NETO1: variants seen among roughly 807,000 people sequenced by gnomAD.
The protein encoded by NETO1 is neuropilin and tolloid-like protein 1.
In NETO1, 26 loss-of-function variants were observed where a neutral mutation model predicts 61.3. The observed-to-expected ratio is 0.42, with a 90% CI of 0.31 to 0.59. NETO1 has a LOEUF of 0.59. Ranked by LOEUF, NETO1 falls within the 20% of genes least tolerant of loss-of-function variation. NETO1 has a pLI of 0.12. For synonymous variants in NETO1, 225 were observed against 225.8 expected (o/e 1.00, Z 0.03); for missense variants, 531 against 662.8 (o/e 0.80, Z 2.18).
chr18:72,743,312 T>G (rs2145050434), downstream of NETO1, among the ~76,000 whole-genome samples: 1 of 152,298 alleles, frequency 6.6e-6, no homozygotes, highest in Admixed American at 6.5e-5. Flanking sequence ...TGCACTACTA[T>G]TTGACCATTG....
chr18:72,795,848 T>C (rs1599016025), intron 4 of NETO1, among the ~76,000 whole-genome samples: 1 of 152,220 alleles, frequency 6.6e-6, no homozygotes, highest in East Asian at 1.9e-4. Context: ...CTTGAACTTA[T>C]TATTCTTCCT....
At chr18:72,861,179 C>T (rs1295859965) in intron 3 of NETO1, among the ~76,000 whole-genome samples, 3 of 152,192 alleles carry the variant, frequency 2.0e-5, no homozygotes, top group African/African-American at 4.8e-5. Context: ...GTCAACCTCT[C>T]GATGTTCCCC....
At chr18:72,807,491 G>A (rs949944379) in intron 4 of NETO1, among the ~76,000 whole-genome samples, 10 of 152,172 alleles carry the variant, frequency 6.6e-5, no homozygotes, top group East Asian at 1.9e-4. Context: ...TTGAGAAAAC[G>A]TAACTCTTAT....
At chr18:72,796,180 T>C (rs2145291747) in intron 4 of NETO1, among the ~76,000 whole-genome samples, 1 of 152,330 alleles carries the variant, frequency 6.6e-6, no homozygotes, top group Admixed American at 6.5e-5. Flanking sequence ...TGTGCTAATA[T>C]GTATGTGGGT....
intron 4 of NETO1, among the ~76,000 whole-genome samples, chr18:72,858,586 G>T (rs1191767329): frequency 2.6e-5 from 4 of 152,082 alleles, no homozygotes; most frequent in African/African-American, 4.8e-5. Context: ...TGATGATGTG[G>T]CTGATGCCCA....
At chr18:72,820,572 G>A (rs2073160586) in intron 4 of NETO1, among the ~76,000 whole-genome samples, 1 of 152,204 alleles carries the variant, frequency 6.6e-6, no homozygotes, top group Non-Finnish European at 1.5e-5. Context: ...CCTTGACTGG[G>A]CCACTTGGCC....
Position 72,833,994 on chromosome 18 carries a change from T to C in NETO1, c.469+24832A>G, listed in dbSNP as rs79448185. ...GATAAATTAGCAAGTCCAAAGTGAATACAACATTTTAACACCCAACCTACA... is the reference window on the plus strand; with the variant it reads ...GATAAATTAGCAAGTCCAAAGTGAACACAACATTTTAACACCCAACCTACA... On this transcript the variant is annotated intron_variant, in intron 4 of 10. Transcript: ENST00000327305. 144 of 450,314 alleles carry C rather than the reference T, an allele frequency of 3.2e-4. No homozygotes were observed. The East Asian group carries it at 0.017, about 54-fold the overall frequency. The allele number at this position is 450,314 out of a possible 1,614,324, so 27.9% of individuals were successfully genotyped here. A position where few individuals can be genotyped will look rare whatever the true frequency, so the allele number is the denominator to read the frequency against.
intron 6 of NETO1, among the ~76,000 whole-genome samples, chr18:72,788,019 C>A (rs1448575319): frequency 6.6e-6 from 1 of 152,006 alleles, no homozygotes; most frequent in Admixed American, 6.6e-5. Flanking sequence ...GTTTTAAATT[C>A]TTTAAAAATA....
At chr18:72,785,821 GA>G (rs1459127857) in intron 6 of NETO1, among the ~76,000 whole-genome samples, 3 of 152,028 alleles carry the variant, frequency 2.0e-5, no homozygotes, top group Non-Finnish European at 4.4e-5. Flanking sequence ...TTCTGTCTAG[GA>G]ACCTCTTCCT....
At chr18:72,820,567 A>C (rs2073160421) in intron 4 of NETO1, among the ~76,000 whole-genome samples, 1 of 152,248 alleles carries the variant, frequency 6.6e-6, no homozygotes, top group African/African-American at 2.4e-5. Context: ...TATCACCTTG[A>C]CTGGGCCACT....
chr18:72,844,016 A>G (rs2074011735), intron 4 of NETO1, among the ~76,000 whole-genome samples: 1 of 152,206 alleles, frequency 6.6e-6, no homozygotes, highest in Admixed American at 6.5e-5. Context: ...TTTTCTGGTC[A>G]CTATTCTCTG....
intron 4 of NETO1, among the ~76,000 whole-genome samples, chr18:72,821,551 G>T (rs1203926591): frequency 1.6e-5 from 2 of 123,462 alleles, no homozygotes; most frequent in African/African-American, 3.6e-5. Context: ...GGCAATAAGG[G>T]TGAAACTCAA....
chr18:72,787,261 T>C (rs1441436330), intron 6 of NETO1, among the ~76,000 whole-genome samples: 1 of 151,380 alleles, frequency 6.6e-6, no homozygotes, highest in Non-Finnish European at 1.5e-5. Flanking sequence ...GCAATTATAA[T>C]TGGAAGTAAA....
In NETO1 at chr18:72,794,165, G is replaced by A. The variant is rs775844376; in HGVS notation, c.591C>T (p.Ser197=). The change falls in exon 6 of 11, where the codon AGC becomes AGT. Residue 197 remains serine (S), a synonymous_variant. Transcript: ENST00000327305. ...QIMKEGKATA[S]EAVDCKWYIR... ...TGTACCACTTGCAATCAACAGCCTC[G>A]CTAGCAGTAGCTTTGCCTTCCTTCA... The A allele has an allele frequency of 2.0e-5, 33 of 1,614,014 alleles. No homozygotes were observed. The highest frequency in any genetic ancestry group is 1.6e-4 in the African/African-American group (12 of 74,904).
intron 4 of NETO1, among the ~76,000 whole-genome samples, chr18:72,833,370 CT>C (rs531326183): frequency 9.9e-5 from 15 of 152,236 alleles, no homozygotes; most frequent in African/African-American, 3.4e-4. Flanking sequence ...AGTTATTTTG[CT>C]GTATTCTCTG....
chr18:72,837,760 T>TC (rs2073797993), intron 4 of NETO1, among the ~76,000 whole-genome samples: 1 of 152,140 alleles, frequency 6.6e-6, no homozygotes, highest in Non-Finnish European at 1.5e-5. Context: ...AATGAGAGCT[T>TC]GGGGGGATCC....
intron 8 of NETO1, among the ~76,000 whole-genome samples, chr18:72,753,456 C>T (rs1236821169): frequency 6.6e-6 from 1 of 152,158 alleles, no homozygotes; most frequent in Non-Finnish European, 1.5e-5. Flanking sequence ...TCCAGCAAAC[C>T]TGCCTTCACA....
At chr18:72,855,843 T>C (rs1472227904) in intron 4 of NETO1, among the ~76,000 whole-genome samples, 1 of 152,224 alleles carries the variant, frequency 6.6e-6, no homozygotes, top group South Asian at 2.1e-4. Flanking sequence ...GTTAGGAAGA[T>C]GAATTATCAA....
chr18:72,850,773 T>C (rs957677434), intron 4 of NETO1, among the ~76,000 whole-genome samples: 5 of 152,342 alleles, frequency 3.3e-5, no homozygotes, highest in Middle Eastern at 3.4e-3. Flanking sequence ...TGTCAAGTGA[T>C]ACAATTTATC....
Sources: gnomAD v4.1 joint callset for allele counts (sites outside exome capture counted in the v4.1 genomes callset) on GRCh38, gnomAD v4.1.1 for gene constraint, MANE v1.5 for transcripts, NCBI Gene and HGNC (gene_info 2026-07-23, HGNC 2026-07-21) for gene names.